The following BMPR1B variants were observed in gnomAD, a reference collection of about 807,000 sequenced individuals.
BMPR1B encodes bone morphogenetic protein receptor type-1B.
Under a neutral mutation model 59.1 loss-of-function variants are expected in BMPR1B, and 12 were observed. The observed-to-expected ratio is 0.20, with a 90% CI of 0.13 to 0.33. The LOEUF (loss-of-function observed/expected upper bound fraction) is 0.33. BMPR1B is among the 10% of genes least tolerant of loss of function. The pLI, the probability that BMPR1B is intolerant of heterozygous loss-of-function variation, is 1.00. For synonymous variants in BMPR1B, 237 were observed against 207.3 expected, an observed-to-expected ratio of 1.14 and a Z score of -1.23; for missense variants, 550 against 610.9, an observed-to-expected ratio of 0.90 and a Z score of 1.05.
intron 6 of BMPR1B, among the ~76,000 whole-genome samples, chr4:95,116,421 G>GCGCGCGCGCGCGCGCACACACA: frequency 1.6e-5 from 2 of 123,198 alleles, no homozygotes; most frequent in African/African-American, 7.2e-5. Flanking sequence ...TTCAGCGCGC[G>GCGCGCGCGCGCGCGCACACACA]CACACACACA....
intron 3 of BMPR1B, among the ~76,000 whole-genome samples, chr4:95,006,429 A>C (rs1722838843): frequency 6.7e-6 from 1 of 150,068 alleles, no homozygotes; most frequent in Non-Finnish European, 1.5e-5. Flanking sequence ...TGTGATGGCT[A>C]TTATTATCCC....
At chr4:95,117,095 A>G (rs765066479) in intron 6 of BMPR1B, among the ~76,000 whole-genome samples, 4 of 152,174 alleles carry the variant, frequency 2.6e-5, no homozygotes, top group Non-Finnish European at 5.9e-5. Context: ...GGAGGTTGTC[A>G]GAATAGCTTC....
intron 1 of BMPR1B, among the ~76,000 whole-genome samples, chr4:94,759,263 C>T (rs566694533): frequency 6.6e-6 from 1 of 152,276 alleles, no homozygotes; most frequent in African/African-American, 2.4e-5. Flanking sequence ...TGAAAGACAA[C>T]GGAGGAAGAG....
At chr4:95,051,599 G>A in intron 3 of BMPR1B, 1 of 1,123,596 alleles carries the variant, frequency 8.9e-7, no homozygotes. Flanking sequence ...CTTGCGAGAA[G>A]ATCTGACAAG....
chr4:95,107,522 A>G (rs538319800), intron 4 of BMPR1B, among the ~76,000 whole-genome samples: 2 of 152,246 alleles, frequency 1.3e-5, no homozygotes, highest in East Asian at 1.9e-4. Flanking sequence ...ATTGCCGTCA[A>G]CATCAATGGA....
intron 6 of BMPR1B, among the ~76,000 whole-genome samples, chr4:95,121,666 A>G (rs1394210308): frequency 2.6e-5 from 4 of 152,218 alleles, no homozygotes; most frequent in African/African-American, 7.2e-5. Flanking sequence ...AATGTTAACA[A>G]TGAGAAATCT....
At chr4:94,892,006 C>T (rs372825272) in intron 2 of BMPR1B, among the ~76,000 whole-genome samples, 2 of 152,066 alleles carry the variant, frequency 1.3e-5, no homozygotes, top group African/African-American at 4.8e-5. Flanking sequence ...AAAGCACTGT[C>T]TTGGGGCTGT....
intron 2 of BMPR1B, among the ~76,000 whole-genome samples, chr4:94,927,570 TG>T (rs1260172602): frequency 6.6e-6 from 1 of 152,146 alleles, no homozygotes; most frequent in African/African-American, 2.4e-5. Context: ...GACATTCAGT[TG>T]GCAGAAATAG....
intron 1 of BMPR1B, among the ~76,000 whole-genome samples, chr4:94,828,602 A>T (rs1724464772): frequency 6.6e-6 from 1 of 152,194 alleles, no homozygotes; most frequent in Non-Finnish European, 1.5e-5. Context: ...TTAAGAGGGC[A>T]TATAGAATAT....
intron 10 of BMPR1B, among the ~76,000 whole-genome samples, chr4:95,145,958 G>A (rs144561683): frequency 3.0e-3 from 453 of 152,296 alleles, no homozygotes; most frequent in Admixed American, 7.3e-3. Context: ...CCATAGCAAA[G>A]TTTAGTGTAA....
chr4:95,116,605 T>TTCTC (rs527394971), intron 6 of BMPR1B, among the ~76,000 whole-genome samples: 1 of 151,408 alleles, frequency 6.6e-6, no homozygotes, highest in African/African-American at 2.4e-5. Flanking sequence ...TTGTTTTGCT[T>TTCTC]TCTCTCTCTC....
chr4:94,791,074 G>A (rs1176893234), intron 1 of BMPR1B, among the ~76,000 whole-genome samples: 3 of 152,030 alleles, frequency 2.0e-5, no homozygotes, highest in African/African-American at 2.4e-5. Flanking sequence ...TGCAACCTCC[G>A]CCTCCTGGGT....
intron 2 of BMPR1B, among the ~76,000 whole-genome samples, 162 bp downstream of exon 2, chr4:94,876,062 CATAAG>C (rs1726719003): frequency 6.6e-6 from 1 of 152,248 alleles, no homozygotes; most frequent in South Asian, 2.1e-4. Flanking sequence ...AGTAAAAACA[CATAAG>C]ATAAGGAAAC....
At position 95,124,971 on chromosome 4, in the gene BMPR1B, A is replaced by G. The variant is rs1270223156; in HGVS notation, c.447-12A>G. 1.8e-5 allele frequency: 29 copies of G among 1,608,198 alleles called. No individual in the cohort carries two copies. Among genetic ancestry groups the G allele is most frequent in the Middle Eastern group, 1.6e-4 (1 of 6,072 alleles). ...TCATTATCTAAAATTATCTTCATCTATCCATCTTTAGGTATAAAAGACAAG... is the reference window on the plus strand; with the variant it reads ...TCATTATCTAAAATTATCTTCATCTGTCCATCTTTAGGTATAAAAGACAAG... On this transcript the variant is annotated splice_polypyrimidine_tract_variant and intron_variant, in intron 7 of 12. Coordinates refer to ENST00000515059, the MANE Select transcript of BMPR1B (RefSeq NM_001203.3).
In BMPR1B at chr4:94,934,045, A is replaced by G. The variant is rs535730627; in HGVS notation, c.-113+58145A>G. Reference sequence around the variant, plus strand: ...TGCAGTAGCTGATGGCTCAAGGTGAACAATAACTGATAGTCTCTTTCTCTG... The same window carrying G: ...TGCAGTAGCTGATGGCTCAAGGTGAGCAATAACTGATAGTCTCTTTCTCTG... On this transcript the variant is annotated intron_variant, in intron 2 of 12. Transcript: ENST00000515059. Among the ~76,000 whole-genome samples, 4 of 152,286 alleles carry G rather than the reference A, an allele frequency of 2.6e-5. No homozygotes were observed. In the South Asian group the frequency reaches 8.3e-4, roughly 32 times the overall value.
chr4:95,123,596 T>C (rs1579116857), intron 6 of BMPR1B, among the ~76,000 whole-genome samples: 1 of 152,148 alleles, frequency 6.6e-6, no homozygotes, highest in South Asian at 2.1e-4. Flanking sequence ...AAATGTGTGC[T>C]CTTGATTAAG....
chr4:94,907,907 A>G (rs1430776534), intron 2 of BMPR1B, among the ~76,000 whole-genome samples: 1 of 151,460 alleles, frequency 6.6e-6, no homozygotes, highest in Non-Finnish European at 1.5e-5. Flanking sequence ...GTCTTAAGCC[A>G]GGTGTGGTGG....
rs139062571 is a variant in BMPR1B, at chr4:95,041,373, CTT to C, written c.-18+45241_-18+45242del. On this transcript the variant is annotated intron_variant, in intron 3 of 12. Transcript: ENST00000515059. ...CTATAATTTTTTTTTATAATAAACA[CTT>C]TACACGCTTTAGAGGAGAGTTCCAC... is the stretch of plus-strand genomic sequence containing the variant. Among the ~76,000 whole-genome samples, 1,099 of 152,146 alleles carry C rather than the reference CTT, an allele frequency of 7.2e-3. 13 individuals are homozygous for C. The highest frequency in any genetic ancestry group is 0.025 in the African/African-American group (1,045 of 41,508).
At chr4:94,938,606 C>T (rs1466459373) in intron 2 of BMPR1B, among the ~76,000 whole-genome samples, 1 of 152,158 alleles carries the variant, frequency 6.6e-6, no homozygotes, top group Non-Finnish European at 1.5e-5. Flanking sequence ...GATAGCTTTT[C>T]AGAAGTAGAG....
Sources: allele counts gnomAD v4.1 joint callset (sites outside exome capture counted in the v4.1 genomes callset), GRCh38; gene constraint gnomAD v4.1.1; transcripts MANE v1.5; gene names NCBI Gene and HGNC (gene_info 2026-07-23, HGNC 2026-07-21).